The following DPY19L4 variants were observed in gnomAD, a reference collection of about 807,000 sequenced individuals.
DPY19L4 encodes the protein probable C-mannosyltransferase DPY19L4.
A neutral mutation model predicts 102.8 loss-of-function variants in DPY19L4; 97 were observed. The observed-to-expected ratio is 0.94, with a 90% CI of 0.80 to 1.12. DPY19L4 has a LOEUF of 1.12. Among genes scored for constraint, DPY19L4 ranks in the 50% most tolerant of loss-of-function variants. The pLI is 0.00. For synonymous variants in DPY19L4, 252 were observed against 283.1 expected (o/e 0.89, Z 1.10); for missense variants, 815 against 850.4 (o/e 0.96, Z 0.52).
intron 18 of DPY19L4, among the ~76,000 whole-genome samples, chr8:94,789,457 C>A (rs959140074): frequency 6.6e-6 from 1 of 151,878 alleles, no homozygotes; most frequent in Admixed American, 6.6e-5. Context: ...GTCTTCGGAG[C>A]GATGATAATG....
chr8:94,783,863 T>A (rs1164782660), intron 17 of DPY19L4, 61 bp downstream of exon 17: 19 of 1,584,242 alleles, frequency 1.2e-5, no homozygotes, highest in Non-Finnish European at 1.6e-5. Flanking sequence ...TTTAGCATAG[T>A]CTGCAGTATA....
chr8:94,726,435 C>G lies in DPY19L4; in HGVS notation c.121C>G (p.Pro41Ala), dbSNP rs751608947. 1.2e-6 allele frequency: 2 copies of G among 1,605,240 alleles called. No homozygotes were observed. Among genetic ancestry groups the G allele is most frequent in the African/African-American group, 1.3e-5 (1 of 74,432 alleles). Reference protein sequence around the residue: ...ISDIPIPERAPKHVLFQRFAK... With the variant: ...ISDIPIPERAAKHVLFQRFAK... The stretch of plus-strand genomic sequence containing the variant: ...TGACATTCCAATTCCTGAAAGAGCT[C>G]CAAAACGTAAGTTAGATAGACTTGG... Residue 41 changes from proline (P) to alanine (A), a missense_variant, in exon 2 of 19, where the codon CCA (proline) becomes GCA (alanine). Pro to Ala is a conservative substitution (Grantham distance 27). Coordinates refer to ENST00000414645, the MANE Select transcript of DPY19L4 (RefSeq NM_181787.3).
chr8:94,759,135 T>C (rs1381334351), intron 7 of DPY19L4, among the ~76,000 whole-genome samples: 1 of 152,154 alleles, frequency 6.6e-6, no homozygotes, highest in East Asian at 1.9e-4. Flanking sequence ...CAAGGTTTAT[T>C]GTGACGAGCG....
chr8:94,760,709 A>T (rs1041870473), intron 7 of DPY19L4, among the ~76,000 whole-genome samples: 11 of 152,196 alleles, frequency 7.2e-5, no homozygotes, highest in Admixed American at 7.2e-4. Context: ...GAGCAAGGTC[A>T]TTTGACACTA....
chr8:94,727,451 C>T (rs1248376365), intron 2 of DPY19L4, among the ~76,000 whole-genome samples: 2 of 152,198 alleles, frequency 1.3e-5, no homozygotes, highest in African/African-American at 4.8e-5. Flanking sequence ...CCAGTCTGGT[C>T]TTGAACTCCT....
chr8:94,770,351 A>G (rs1812871284), intron 12 of DPY19L4, 101 bp from the exon 13 acceptor site: 1 of 1,256,004 alleles, frequency 8.0e-7, no homozygotes, highest in Non-Finnish European at 1.1e-6. Context: ...ATGACGAAAT[A>G]TAAAATTTTA....
intron 2 of DPY19L4, among the ~76,000 whole-genome samples, chr8:94,732,855 G>C (rs1020178155): frequency 7.5e-6 from 1 of 134,192 alleles, no homozygotes; most frequent in Admixed American, 8.4e-5. Context: ...GTGTCACCTA[G>C]GCTGGAATGC....
chr8:94,770,534 A>G lies in DPY19L4; in HGVS notation c.1417A>G (p.Thr473Ala), dbSNP rs756095185. ...RPEIIYHVIH[T>A]ILLGSLAMVI... ...AGAAATAATTTATCATGTAATTCAC[A>G]CTATTTTATTGGGTTCTCTTGCAAT... The change falls in exon 13 of 19, where the codon ACT becomes GCT. Residue 473 changes from threonine (T) to alanine (A), a missense_variant. Transcript: ENST00000414645. 1.2e-6 allele frequency: 2 copies of G among 1,613,654 alleles called. No homozygotes were observed. Among genetic ancestry groups the G allele is most frequent in the Non-Finnish European group, 8.5e-7 (1 of 1,179,854 alleles).
chr8:94,725,607 CAG>C (rs1434022779), intron 1 of DPY19L4, among the ~76,000 whole-genome samples: 4 of 152,088 alleles, frequency 2.6e-5, no homozygotes, highest in African/African-American at 9.7e-5. Context: ...TATTTAAAAA[CAG>C]AAGTGTAGTT....
chr8:94,785,635 G>C (rs187372238), intron 17 of DPY19L4, among the ~76,000 whole-genome samples: 38 of 152,296 alleles, frequency 2.5e-4, no homozygotes, highest in Admixed American at 1.0e-3. Context: ...CGAATGATTA[G>C]ATCTGCTTTG....
chr8:94,768,211 C>T (rs1331934711), intron 11 of DPY19L4, among the ~76,000 whole-genome samples, 184 bp from the exon 12 acceptor site: 1 of 152,104 alleles, frequency 6.6e-6, no homozygotes, highest in African/African-American at 2.4e-5. Flanking sequence ...TTGGTGAGAG[C>T]ACATGCTTTG....
At chr8:94,739,572 C>A in intron 5 of DPY19L4, 38 bp downstream of exon 5, 1 of 1,597,954 alleles carries the variant, frequency 6.3e-7, no homozygotes, top group South Asian at 1.1e-5. Flanking sequence ...TTTATTTTCT[C>A]ATGTATTCAT....
intron 8 of DPY19L4, 49 bp downstream of exon 8, chr8:94,761,883 A>G: frequency 6.5e-7 from 1 of 1,545,546 alleles, no homozygotes; most frequent in Non-Finnish European, 8.7e-7. Context: ...AAATGTATTT[A>G]TAGCATTGTA....
chr8:94,766,826 T>C (rs1812694255), intron 11 of DPY19L4, 141 bp downstream of exon 11: 3 of 669,270 alleles, frequency 4.5e-6, no homozygotes, highest in Non-Finnish European at 7.4e-6. Flanking sequence ...TTGTGACCAC[T>C]TGAGTCCAGG....
chr8:94,739,322 G>T, intron 4 of DPY19L4, 91 bp from the exon 5 acceptor site: 1 of 1,402,822 alleles, frequency 7.1e-7, no homozygotes. Flanking sequence ...GATCTTTCTT[G>T]ATAACAATAT....
intron 3 of DPY19L4, among the ~76,000 whole-genome samples, chr8:94,737,802 A>G (rs1453142569): frequency 1.3e-5 from 2 of 151,712 alleles, no homozygotes; most frequent in African/African-American, 4.8e-5. Flanking sequence ...AAAACAAAAC[A>G]AAACAAAAAA....
At chr8:94,754,994 G>T (rs1220552392) in intron 6 of DPY19L4, among the ~76,000 whole-genome samples, 1 of 151,972 alleles carries the variant, frequency 6.6e-6, no homozygotes, top group Non-Finnish European at 1.5e-5. Context: ...CACCATGTTG[G>T]CCAGGCTGGT....
chr8:94,727,682 A>T (rs1810750483), intron 2 of DPY19L4, among the ~76,000 whole-genome samples: 1 of 152,246 alleles, frequency 6.6e-6, no homozygotes, highest in Admixed American at 6.5e-5. Flanking sequence ...TTCCTTCAGC[A>T]TCAAATTGTG....
At chr8:94,774,580 T>C (rs1026151600) in intron 13 of DPY19L4, among the ~76,000 whole-genome samples, 2 of 98,080 alleles carry the variant, frequency 2.0e-5, no homozygotes, top group African/African-American at 7.4e-5. Flanking sequence ...CACTTCTTTC[T>C]TTTTTTTTTT....
Sources: gnomAD v4.1 joint callset for allele counts (sites outside exome capture counted in the v4.1 genomes callset) on GRCh38, gnomAD v4.1.1 for gene constraint, MANE v1.5 for transcripts, NCBI Gene and HGNC (gene_info 2026-07-23, HGNC 2026-07-21) for gene names.